Variants in NAALADL2 observed in about 807,000 individuals in gnomAD.
The protein encoded by NAALADL2 is N-acetylated alpha-linked acidic dipeptidase like 2, also known as inactive N-acetylated-alpha-linked acidic dipeptidase-like protein 2.
Under a neutral mutation model 87.2 loss-of-function variants are expected in NAALADL2, and 76 were observed. That is an observed-to-expected ratio of 0.87 (90% CI 0.72 to 1.05). NAALADL2 has a LOEUF of 1.05. Ranked by LOEUF, NAALADL2 falls within the 50% of genes least tolerant of loss-of-function variation. The pLI is 0.00. For synonymous variants in NAALADL2, 354 were observed against 331.0 expected, an observed-to-expected ratio of 1.07 and a Z score of -0.75; for missense variants, 1,089 against 945.8, an observed-to-expected ratio of 1.15 and a Z score of -1.99.
chr3:174,961,343 A>G (rs550619311), intron 1 of NAALADL2, among the ~76,000 whole-genome samples: 1 of 151,934 alleles, frequency 6.6e-6, no homozygotes, highest in East Asian at 1.9e-4. Flanking sequence ...CTTTATCTAT[A>G]CAAAATTCAG....
At chr3:175,481,298 C>T (rs1726419542) in intron 9 of NAALADL2, among the ~76,000 whole-genome samples, 1 of 150,892 alleles carries the variant, frequency 6.6e-6, no homozygotes, top group South Asian at 2.1e-4. Flanking sequence ...CATTTATATA[C>T]ATTTCAAAGA....
Position 175,215,724 on chromosome 3 carries a change from C to G in NAALADL2, c.546-18207C>G, listed in dbSNP as rs1742415322. On this transcript the variant is annotated intron_variant, in intron 2 of 13. Transcript: ENST00000454872. ...ATATACCTAATTAATGAATTCAGTT[C>G]TTAAATTTTTGCCACACAGGCCAGT... Among the ~76,000 whole-genome samples, 3 of 152,128 alleles carry G rather than the reference C, an allele frequency of 2.0e-5. No individual in the cohort carries two copies. The South Asian group carries it at 6.2e-4, about 31-fold the overall frequency.
intron 13 of NAALADL2, among the ~76,000 whole-genome samples, chr3:175,793,157 C>T (rs1752998732): frequency 1.3e-5 from 2 of 152,140 alleles, no homozygotes; most frequent in East Asian, 1.9e-4. Flanking sequence ...CCATGGGGAA[C>T]TACCTCTGGA....
chr3:174,859,606 G>A (rs978108271), intron 1 of NAALADL2, among the ~76,000 whole-genome samples, 156 bp downstream of exon 1: 4 of 152,044 alleles, frequency 2.6e-5, no homozygotes, highest in Non-Finnish European at 4.4e-5. Flanking sequence ...TTCTGCGAGC[G>A]AGAAAAGAGG....
chr3:175,715,276 G>A (rs1487779855), intron 11 of NAALADL2, among the ~76,000 whole-genome samples: 1 of 152,124 alleles, frequency 6.6e-6, no homozygotes, highest in African/African-American at 2.4e-5. Context: ...TATTCTAGTA[G>A]AAGAGTTCAA....
At chr3:175,154,264 G>A (rs939468729) in intron 2 of NAALADL2, among the ~76,000 whole-genome samples, 1 of 152,054 alleles carries the variant, frequency 6.6e-6, no homozygotes, top group Non-Finnish European at 1.5e-5. Flanking sequence ...CATTTCTGTT[G>A]CATTATCCTA....
At chr3:175,244,878 C>T (rs1041576519) in intron 3 of NAALADL2, among the ~76,000 whole-genome samples, 2 of 152,106 alleles carry the variant, frequency 1.3e-5, no homozygotes, top group African/African-American at 4.8e-5. Flanking sequence ...TGAAAGTTTT[C>T]TGAACTGTTG....
chr3:175,089,365 G>A (rs1318668805), intron 1 of NAALADL2, among the ~76,000 whole-genome samples: 1 of 152,078 alleles, frequency 6.6e-6, no homozygotes, highest in Non-Finnish European at 1.5e-5. Flanking sequence ...CTCTTAGAAA[G>A]CCTGGATGTT....
chr3:174,705,899 T>C (rs909191777), intron 2 of NAALADL2, among the ~76,000 whole-genome samples: 3 of 151,974 alleles, frequency 2.0e-5, no homozygotes, highest in Non-Finnish European at 4.4e-5. Context: ...TGCATATAGG[T>C]ATTAGCAAAA....
rs561308374 is a variant in NAALADL2 at position 174,915,210 on chromosome 3, G to T, written c.43+55760G>T. On this transcript the variant is annotated intron_variant, in intron 1 of 13. Transcript: ENST00000454872. ...TATTTCATATGAGTGTGGGTGGGGA[G>T]GTGCATTTTGAGGGATGGCAGCAGA... Among the ~76,000 whole-genome samples, 7 of 152,156 alleles carry T rather than the reference G, an allele frequency of 4.6e-5. No homozygotes were observed. The East Asian group carries it at 1.4e-3, about 29-fold the overall frequency.
intron 11 of NAALADL2, among the ~76,000 whole-genome samples, chr3:175,630,552 T>C (rs1727616925): frequency 6.6e-6 from 1 of 151,722 alleles, no homozygotes; most frequent in Admixed American, 6.6e-5. Context: ...CTATAAAATA[T>C]ACATATATGG....
At chr3:175,241,260 G>GC (rs1444002893) in intron 3 of NAALADL2, among the ~76,000 whole-genome samples, 1 of 151,962 alleles carries the variant, frequency 6.6e-6, no homozygotes, top group East Asian at 1.9e-4. Context: ...ACGGAGTTTT[G>GC]CCCAGGCTGG....
chr3:175,001,615 G>A (rs7615084), intron 1 of NAALADL2, among the ~76,000 whole-genome samples: 49,133 of 151,870 alleles, frequency 0.32, 11,486 homozygotes, highest in African/African-American at 0.66. Flanking sequence ...TTCATTCCTT[G>A]TTTTTCGTAA....
At chr3:175,061,747 ATATATAG>A (rs1713538597) in intron 1 of NAALADL2, among the ~76,000 whole-genome samples, 1 of 147,980 alleles carries the variant, frequency 6.8e-6, no homozygotes, top group East Asian at 1.9e-4. Context: ...ATATATATAT[ATATATAG>A]TTTTATACAC....
intron 2 of NAALADL2, among the ~76,000 whole-genome samples, chr3:175,122,383 T>G (rs1288566990): frequency 6.6e-6 from 1 of 151,918 alleles, no homozygotes; most frequent in Non-Finnish European, 1.5e-5. Context: ...TTGAACTTGT[T>G]TTTCTTTTAA....
intron 11 of NAALADL2, among the ~76,000 whole-genome samples, chr3:175,680,772 C>T (rs1030775145): frequency 1.6e-4 from 24 of 152,158 alleles, no homozygotes; most frequent in Non-Finnish European, 3.1e-4. Context: ...CTTCCATATG[C>T]AAGAATCATA....
intron 13 of NAALADL2, among the ~76,000 whole-genome samples, chr3:175,756,862 CTA>C (rs1303694523): frequency 3.4e-4 from 51 of 151,696 alleles, no homozygotes; most frequent in African/African-American, 1.2e-3. Context: ...ACTGATAATT[CTA>C]TGAGACACAA....
At chr3:175,473,634 A>C (rs190694545) in intron 9 of NAALADL2, among the ~76,000 whole-genome samples, 15 of 151,958 alleles carry the variant, frequency 9.9e-5, no homozygotes, top group African/African-American at 3.1e-4. Context: ...TTAAAACTCA[A>C]ATATATAAAG....
At chr3:174,698,544 T>C (rs1170358182) in intron 2 of NAALADL2, among the ~76,000 whole-genome samples, 1 of 152,138 alleles carries the variant, frequency 6.6e-6, no homozygotes. Flanking sequence ...CTAGTTTCCT[T>C]GTTTTGCTGT....
Sources: allele counts gnomAD v4.1 joint callset (sites outside exome capture counted in the v4.1 genomes callset), GRCh38; gene constraint gnomAD v4.1.1; transcripts MANE v1.5; gene names NCBI Gene and HGNC (gene_info 2026-07-23, HGNC 2026-07-21).